CTNNA3: variants seen among roughly 807,000 people sequenced by gnomAD.
The protein encoded by CTNNA3 is catenin alpha-3.
A neutral mutation model predicts 95.7 loss-of-function variants in CTNNA3; 76 were observed. The observed-to-expected ratio is 0.79, with a 90% confidence interval of 0.66 to 0.96. The LOEUF is 0.96. Among genes scored for constraint, CTNNA3 ranks in the 40% least tolerant of loss-of-function variants. The probability of loss-of-function intolerance (pLI) is 0.00; values close to 1 mark genes in which losing one functional copy is unlikely to be tolerated. For synonymous variants in CTNNA3, 431 were observed against 374.4 expected, an observed-to-expected ratio of 1.15 and a Z score of -1.74; for missense variants, 1,191 against 1,089.8, an observed-to-expected ratio of 1.09 and a Z score of -1.31.
At chr10:66,418,948 T>G (rs2093168812) in intron 11 of CTNNA3, among the ~76,000 whole-genome samples, 1 of 152,066 alleles carries the variant, frequency 6.6e-6, no homozygotes, top group Non-Finnish European at 1.5e-5. Flanking sequence ...TGGAGGCCTT[T>G]TCTCTAAGAA....
chr10:66,646,987 A>G (rs768024330), intron 9 of CTNNA3, among the ~76,000 whole-genome samples: 1 of 150,092 alleles, frequency 6.7e-6, no homozygotes, highest in Non-Finnish European at 1.5e-5. Context: ...AAGGCTATCA[A>G]TAATAATTCT....
chr10:66,040,098 C>T (rs1283913758), intron 15 of CTNNA3, among the ~76,000 whole-genome samples: 1 of 152,064 alleles, frequency 6.6e-6, no homozygotes, highest in African/African-American at 2.4e-5. Context: ...ACAAGACATA[C>T]ATGTAGCCAA....
At chr10:66,046,464 A>C (rs1375769978) in intron 15 of CTNNA3, among the ~76,000 whole-genome samples, 1 of 152,232 alleles carries the variant, frequency 6.6e-6, no homozygotes, top group East Asian at 1.9e-4. Flanking sequence ...AGACACAGCT[A>C]AGGAAGTGTT....
chr10:66,283,139 G>A (rs530894816), intron 12 of CTNNA3, among the ~76,000 whole-genome samples: 1 of 151,896 alleles, frequency 6.6e-6, no homozygotes, highest in East Asian at 1.9e-4. Flanking sequence ...ATTTCCTTCA[G>A]GTTCTGGAGT....
intron 6 of CTNNA3, among the ~76,000 whole-genome samples, chr10:67,216,087 A>C (rs1171985224): frequency 6.6e-6 from 1 of 152,196 alleles, no homozygotes; most frequent in Non-Finnish European, 1.5e-5. Context: ...GCTTCTAGAT[A>C]ACAGTGATAT....
At chr10:66,303,368 A>G (rs1446441690) in intron 12 of CTNNA3, among the ~76,000 whole-genome samples, 1 of 152,200 alleles carries the variant, frequency 6.6e-6, no homozygotes, top group Non-Finnish European at 1.5e-5. Context: ...TTTTAAATTT[A>G]GAATAATTAA....
chr10:67,312,834 G>C (rs1320019674), intron 5 of CTNNA3, among the ~76,000 whole-genome samples: 1 of 152,098 alleles, frequency 6.6e-6, no homozygotes, highest in African/African-American at 2.4e-5. Flanking sequence ...TAAAAAGTCT[G>C]GACTTTGATC....
rs575630185 is a variant in CTNNA3, at chr10:66,509,106, A to G, written c.1531+11511T>C. 1.4e-4 allele frequency among the ~76,000 whole-genome samples: 21 copies of G among 152,198 alleles called. No individual in the cohort carries two copies. The South Asian group carries it at 4.4e-3, about 32-fold the overall frequency. On this transcript the variant is annotated intron_variant, in intron 11 of 17. Coordinates refer to ENST00000433211, the MANE Select transcript of CTNNA3 (RefSeq NM_013266.4). ...TCTGACTTGTGTGAGATGATACCTC[A>G]TTGTGGTTTTGATTTGCATTTCCCT...
At chr10:67,377,590 T>C (rs2132720963) in intron 5 of CTNNA3, among the ~76,000 whole-genome samples, 1 of 151,462 alleles carries the variant, frequency 6.6e-6, no homozygotes, top group South Asian at 2.1e-4. Context: ...TTCTGAGATG[T>C]TTTTGCTCTA....
intron 15 of CTNNA3, among the ~76,000 whole-genome samples, chr10:66,000,884 G>C (rs1434611191): frequency 1.1e-4 from 17 of 152,064 alleles, no homozygotes; most frequent in Admixed American, 8.5e-4. Context: ...TTGAACTCAG[G>C]GAATGTGGCT....
intron 14 of CTNNA3, among the ~76,000 whole-genome samples, chr10:66,071,668 G>A (rs2080436899): frequency 6.6e-6 from 1 of 152,066 alleles, no homozygotes; most frequent in Admixed American, 6.6e-5. Context: ...GTTCTCCAAA[G>A]AATAGTCACA....
At chr10:66,260,472 G>A (rs780486967) in intron 13 of CTNNA3, among the ~76,000 whole-genome samples, 10 of 152,030 alleles carry the variant, frequency 6.6e-5, no homozygotes, top group East Asian at 1.9e-4. Flanking sequence ...TAATCACTCC[G>A]TGATTCTCAC....
rs149732508 is a variant in CTNNA3 at position 67,281,135 on chromosome 10, G to GA, written c.580-61266dup. 1.1e-3 allele frequency among the ~76,000 whole-genome samples: 152 copies of GA among 143,332 alleles called. No individual in the cohort carries two copies. In the East Asian group the frequency reaches 0.019, roughly 18 times the overall value. The allele number at this position is 143,332 out of a possible 152,430, so 94.0% of individuals were successfully genotyped here. Reference sequence around the variant, plus strand: ...TTTAGGTCATGATCTTTACACTTTTGAAAAAAAAAATGAGAGGACAGTCAA... The same window carrying GA: ...TTTAGGTCATGATCTTTACACTTTTGAAAAAAAAAAATGAGAGGACAGTCAA... On this transcript the variant is annotated intron_variant, in intron 5 of 17. Coordinates refer to ENST00000433211, the MANE Select transcript of CTNNA3 (RefSeq NM_013266.4).
chr10:66,215,836 C>A lies in CTNNA3; in HGVS notation c.1884+64634G>T, dbSNP rs532896252. On this transcript the variant is annotated intron_variant, in intron 13 of 17. Transcript: ENST00000433211. ...CCAAGGTGGAAGGCACAAGTCATGT[C>A]TTGACATTGTCAATTGGCATTAACA... Among the ~76,000 whole-genome samples, 152 of 152,320 alleles carry A rather than the reference C, an allele frequency of 1.0e-3. 2 individuals are homozygous for A. Among genetic ancestry groups the A allele is most frequent in the Middle Eastern group, 3.4e-3 (1 of 294 alleles).
chr10:66,910,768 T>C (rs1846189434), intron 7 of CTNNA3, among the ~76,000 whole-genome samples: 1 of 152,222 alleles, frequency 6.6e-6, no homozygotes, highest in Non-Finnish European at 1.5e-5. Flanking sequence ...CTCTCCAGTT[T>C]GGTTTCCGCT....
intron 8 of CTNNA3, among the ~76,000 whole-genome samples, chr10:66,769,448 G>C (rs1839998334): frequency 6.6e-6 from 1 of 152,174 alleles, no homozygotes; most frequent in Admixed American, 6.5e-5. Context: ...GCTGGTTCCT[G>C]ATCCTTTACC....
chr10:67,624,724 T>C (rs1843968817), intron 2 of CTNNA3, among the ~76,000 whole-genome samples: 1 of 152,166 alleles, frequency 6.6e-6, no homozygotes. Context: ...CAGGACCTGA[T>C]AGGTGAACAG....
intron 14 of CTNNA3, among the ~76,000 whole-genome samples, chr10:66,092,224 G>C (rs2081239090): frequency 1.3e-5 from 2 of 151,952 alleles, no homozygotes; most frequent in African/African-American, 4.8e-5. Flanking sequence ...CCTGGTCTCT[G>C]TCTCCACCAT....
At chr10:66,856,682 T>G (rs1426523002) in intron 7 of CTNNA3, among the ~76,000 whole-genome samples, 1 of 152,136 alleles carries the variant, frequency 6.6e-6, no homozygotes, top group Non-Finnish European at 1.5e-5. Flanking sequence ...TTTCTTCATA[T>G]GCTTGTTGGC....
Sources: gnomAD v4.1 joint callset for allele counts (sites outside exome capture counted in the v4.1 genomes callset) on GRCh38, gnomAD v4.1.1 for gene constraint, MANE v1.5 for transcripts, NCBI Gene and HGNC (gene_info 2026-07-23, HGNC 2026-07-21) for gene names.